PCNX1: variants seen among roughly 807,000 people sequenced by gnomAD.
PCNX1 encodes the protein pecanex-like protein 1.
PCNX1 carries 78 observed loss-of-function variants against 242.2 expected under a neutral mutation model. The observed-to-expected ratio is 0.32, with a 90% CI of 0.27 to 0.39. PCNX1 has a LOEUF of 0.39. Among genes scored for constraint, PCNX1 ranks in the 10% least tolerant of loss-of-function variants. The pLI is 1.00. For missense variants in PCNX1, 2,581 were observed against 2,856.5 expected (o/e 0.90, Z 2.20); for synonymous variants, 1,024 against 1,032.9 (o/e 0.99, Z 0.17).
chr14:71,014,282 C>T (rs901488662), intron 11 of PCNX1, among the ~76,000 whole-genome samples: 2 of 152,098 alleles, frequency 1.3e-5, no homozygotes, highest in Non-Finnish European at 2.9e-5. Flanking sequence ...TTCCAAGTAA[C>T]ATAAAGTCTA....
chr14:71,106,562 T>TA (rs1566811044), intron 33 of PCNX1, among the ~76,000 whole-genome samples: 3 of 151,534 alleles, frequency 2.0e-5, no homozygotes, highest in Non-Finnish European at 4.4e-5. Flanking sequence ...TTTTTTTTTT[T>TA]AAACCAGTTG....
chr14:70,982,668 A>G (rs369314467), intron 6 of PCNX1, among the ~76,000 whole-genome samples: 19 of 152,232 alleles, frequency 1.2e-4, no homozygotes, highest in African/African-American at 3.9e-4. Flanking sequence ...TTACAACAAT[A>G]TCAAGAAAAG....
chr14:71,056,301 T>C (rs2061179872), intron 25 of PCNX1, among the ~76,000 whole-genome samples: 1 of 152,228 alleles, frequency 6.6e-6, no homozygotes, highest in Non-Finnish European at 1.5e-5. Flanking sequence ...TTGATACTAA[T>C]GACCATCGTC....
In PCNX1 at chr14:70,978,511, C is replaced by T. The variant is rs1290380756; in HGVS notation, c.2174C>T (p.Ala725Val). ...PLTTSKSDLE[A>V]KEGEVLDELS... The stretch of plus-strand genomic sequence containing the variant: ...ACCACTTCAAAATCAGATCTTGAGG[C>T]CAAAGAGGGAGAGGTGCTAGATGAG... Residue 725 changes from alanine (A) to valine (V), a missense_variant, in exon 6 of 36, where the codon GCC (alanine) becomes GTC (valine). By Grantham distance (64) the Ala-to-Val change is moderately conservative. This residue lies in a region of PCNX1 where 1,204 missense variants were observed against 1,216.7 expected (regional missense o/e 0.99). Transcript: ENST00000304743. 1.2e-6 allele frequency: 2 copies of T among 1,613,924 alleles called. No individual in the cohort carries two copies. Among genetic ancestry groups the T allele is most frequent in the Non-Finnish European group, 1.7e-6 (2 of 1,180,004 alleles).
rs766497046 is a variant in PCNX1, at chr14:71,068,736, CATTT to C, written c.4853-4806_4853-4803del. 3.7e-5 allele frequency among the ~76,000 whole-genome samples: 5 copies of C among 136,344 alleles called. 1 individual carries two copies. The East Asian group carries it at 6.2e-4, about 17-fold the overall frequency. The allele number at this position is 136,344 out of a possible 152,430, so 89.4% of individuals were successfully genotyped here. On this transcript the variant is annotated intron_variant, in intron 26 of 35. Transcript: ENST00000304743. ...GTATGTATATATAATATACAAATAA[CATTT>C]ATATATTTTATATACATTATATATT...
chr14:71,027,918 G>T (rs1215024898), intron 15 of PCNX1, among the ~76,000 whole-genome samples: 1 of 151,864 alleles, frequency 6.6e-6, no homozygotes, highest in Non-Finnish European at 1.5e-5. Flanking sequence ...GGTAATTTAT[G>T]ATAATGGGCT....
intron 8 of PCNX1, among the ~76,000 whole-genome samples, chr14:71,002,771 G>A (rs1369189063): frequency 6.6e-6 from 1 of 152,170 alleles, no homozygotes; most frequent in African/African-American, 2.4e-5. Flanking sequence ...GGCGATGGTT[G>A]TGTTGTTTCC....
intron 6 of PCNX1, among the ~76,000 whole-genome samples, chr14:70,987,995 T>C (rs1288794385): frequency 6.6e-6 from 1 of 152,244 alleles, no homozygotes. Context: ...ATATTCATGC[T>C]ATGTTGAATT....
In PCNX1 at chr14:71,105,320, A is replaced by T; in HGVS notation, c.6181A>T (p.Asn2061Tyr). The change falls in exon 33 of 36, where the codon AAC becomes TAC. Residue 2061 changes from asparagine to tyrosine, a missense_variant. Transcript: ENST00000304743. ...DTGGGTSCTG[N>Y]NATTANNPHS... is the part of the protein sequence containing the mutation. ...TGGAGGTGGGACTTCCTGCACTGGT[A>T]ACAATGCAACAACTGCCAACAATCC... 1 of 1,614,056 alleles carries T rather than the reference A, an allele frequency of 6.2e-7. No homozygotes were observed. Among genetic ancestry groups the T allele is most frequent in the Non-Finnish European group, 8.5e-7 (1 of 1,179,914 alleles).
chr14:71,016,008 C>A (rs938695410), intron 11 of PCNX1, among the ~76,000 whole-genome samples: 1 of 151,986 alleles, frequency 6.6e-6, no homozygotes, highest in Non-Finnish European at 1.5e-5. Context: ...GCCTGGGCAA[C>A]GTAGACCCAG....
intron 6 of PCNX1, among the ~76,000 whole-genome samples, chr14:70,982,479 T>G (rs937279027): frequency 3.3e-5 from 5 of 152,212 alleles, no homozygotes; most frequent in African/African-American, 1.2e-4. Context: ...AAAGACATCA[T>G]AATAGCATAA....
intron 26 of PCNX1, among the ~76,000 whole-genome samples, chr14:71,062,199 CA>C (rs2061341808): frequency 6.6e-6 from 1 of 152,066 alleles, no homozygotes; most frequent in African/African-American, 2.4e-5. Context: ...GCAGGTCCTT[CA>C]GGGGGTATCC....
intron 1 of PCNX1, among the ~76,000 whole-genome samples, chr14:70,922,916 A>T (rs1336798823): frequency 2.0e-5 from 3 of 152,152 alleles, no homozygotes; most frequent in African/African-American, 7.2e-5. Context: ...GCCAAATAAT[A>T]CCTCAAACAA....
chr14:71,028,646 T>G, intron 15 of PCNX1, 54 bp from the exon 16 acceptor site: 1 of 1,037,814 alleles, frequency 9.6e-7, no homozygotes, highest in African/African-American at 1.6e-5. Flanking sequence ...GACCTTTTAA[T>G]TATTTTCATA....
At position 71,069,005 on chromosome 14, in the gene PCNX1, T is replaced by C. The variant is rs142652281; in HGVS notation, c.4853-4540T>C. Among the ~76,000 whole-genome samples the C allele has an allele frequency of 2.2e-3, 335 of 152,234 alleles. 2 individuals are homozygous for C. Among genetic ancestry groups the C allele is most frequent in the African/African-American group, 7.8e-3 (323 of 41,542 alleles). Reference sequence around the variant, plus strand: ...GGTAATTTATAAAGAAAAAGAGATTTAATGGACTTAACAGTTCCATGTGGC... The same window carrying C: ...GGTAATTTATAAAGAAAAAGAGATTCAATGGACTTAACAGTTCCATGTGGC... On this transcript the variant is annotated intron_variant, in intron 26 of 35. Transcript: ENST00000304743.
chr14:70,951,438 G>C (rs775258903), intron 2 of PCNX1, among the ~76,000 whole-genome samples: 2 of 151,956 alleles, frequency 1.3e-5, no homozygotes, highest in Non-Finnish European at 2.9e-5. Flanking sequence ...GCAGTGGTGC[G>C]ATCTCGGCTC....
At chr14:71,090,202 G>A (rs1219262415) in intron 30 of PCNX1, among the ~76,000 whole-genome samples, 1 of 151,426 alleles carries the variant, frequency 6.6e-6, no homozygotes, top group Non-Finnish European at 1.5e-5. Context: ...TCTTAGTAGG[G>A]TAATAACATT....
At chr14:70,950,788 A>G (rs950989208) in intron 2 of PCNX1, among the ~76,000 whole-genome samples, 1 of 151,870 alleles carries the variant, frequency 6.6e-6, no homozygotes, top group Non-Finnish European at 1.5e-5. Flanking sequence ...TGTGAATTGT[A>G]TATTTTTCTA....
At chr14:70,988,370 C>A (rs937135804) in intron 6 of PCNX1, among the ~76,000 whole-genome samples, 197 bp from the exon 7 acceptor site, 1 of 152,102 alleles carries the variant, frequency 6.6e-6, no homozygotes, top group African/African-American at 2.4e-5. Context: ...TTTAAAGAAA[C>A]AATTTTCTTT....
Sources: gnomAD v4.1 joint callset for allele counts (sites outside exome capture counted in the v4.1 genomes callset) on GRCh38, gnomAD v4.1.1 for gene constraint, gnomAD v4.1.1 regional missense constraint, MANE v1.5 for transcripts, NCBI Gene and HGNC (gene_info 2026-07-23, HGNC 2026-07-21) for gene names.